Variants in ACTR3C observed in about 807,000 individuals in gnomAD.
ACTR3C encodes actin related protein 3C.
A neutral mutation model predicts 26.3 loss-of-function variants in ACTR3C; 18 were observed. The ratio of observed to expected loss-of-function variants is 0.68; its 90% CI spans 0.47 to 1.01. The LOEUF (loss-of-function observed/expected upper bound fraction) is 1.01, where lower values mean the gene tolerates loss of function less well. Among genes scored for constraint, ACTR3C ranks in the 50% least tolerant of loss-of-function variants. The probability of loss-of-function intolerance (pLI) is 0.00; values close to 1 mark genes in which losing one functional copy is unlikely to be tolerated. For synonymous variants in ACTR3C, 55 were observed against 94.5 expected (o/e 0.58, Z 2.42); for missense variants, 184 against 250.7 (o/e 0.73, Z 1.80).
At chr7:150,315,774 G>A (rs1056281762) in intron 1 of ACTR3C, among the ~76,000 whole-genome samples, 3 of 151,734 alleles carry the variant, frequency 2.0e-5, no homozygotes, top group African/African-American at 4.8e-5. Context: ...ATTCATACAT[G>A]TGTGTATTCT....
chr7:150,030,665 G>A, the ACTR3C span, among the ~76,000 whole-genome samples: 3 of 152,082 alleles, frequency 2.0e-5, no homozygotes, highest in African/African-American at 7.3e-5. Flanking sequence ...TTCTACATGA[G>A]ACTCTCACTT....
At chr7:150,052,370 T>TACAC in the ACTR3C span, among the ~76,000 whole-genome samples, 1 of 152,028 alleles carries the variant, frequency 6.6e-6, no homozygotes, top group Non-Finnish European at 1.5e-5. Context: ...CACACACACA[T>TACAC]ACACACACAC....
At chr7:149,921,703 C>A in the ACTR3C span, among the ~76,000 whole-genome samples, 1 of 151,858 alleles carries the variant, frequency 6.6e-6, no homozygotes, top group Admixed American at 6.6e-5. Flanking sequence ...ATGGTGAAAC[C>A]CCATCTCTAC....
At chr7:150,252,858 T>C (rs1832949169) in intron 6 of ACTR3C, among the ~76,000 whole-genome samples, 1 of 152,220 alleles carries the variant, frequency 6.6e-6, no homozygotes, top group African/African-American at 2.4e-5. Flanking sequence ...GTGTGTTTAT[T>C]GTTTTTATTA....
At chr7:150,234,735 T>C in the ACTR3C span, among the ~76,000 whole-genome samples, 1 of 152,230 alleles carries the variant, frequency 6.6e-6, no homozygotes, top group Non-Finnish European at 1.5e-5. Flanking sequence ...CTCATTTGGA[T>C]ACACGAATTG....
At chr7:150,112,494 T>C in the ACTR3C span, among the ~76,000 whole-genome samples, 1 of 152,164 alleles carries the variant, frequency 6.6e-6, no homozygotes, top group Non-Finnish European at 1.5e-5. Flanking sequence ...GCCATTGCCA[T>C]CCACACACCC....
chr7:150,120,937 C>T, the ACTR3C span, among the ~76,000 whole-genome samples: 3 of 152,146 alleles, frequency 2.0e-5, no homozygotes, highest in Non-Finnish European at 4.4e-5. Flanking sequence ...TCAACATATG[C>T]AAATCAATAA....
At chr7:150,058,228 C>T in the ACTR3C span, among the ~76,000 whole-genome samples, 1 of 152,176 alleles carries the variant, frequency 6.6e-6, no homozygotes, top group Admixed American at 6.5e-5. Flanking sequence ...CCAATTAGTG[C>T]TTTGGATAAG....
At chr7:150,159,409 G>A in the ACTR3C span, among the ~76,000 whole-genome samples, 3 of 152,170 alleles carry the variant, frequency 2.0e-5, no homozygotes, top group African/African-American at 2.4e-5. Flanking sequence ...TCGATTCGTC[G>A]TGGAAGGAAT....
chr7:150,236,494 T>C, the ACTR3C span, among the ~76,000 whole-genome samples: 1 of 152,224 alleles, frequency 6.6e-6, no homozygotes, highest in East Asian at 1.9e-4. Context: ...TCTACATTCC[T>C]AGGACCTATG....
At chr7:150,198,682 G>A in the ACTR3C span, among the ~76,000 whole-genome samples, 8 of 145,142 alleles carry the variant, frequency 5.5e-5, no homozygotes, top group East Asian at 1.2e-3. Context: ...GAGCCTCTCC[G>A]CCCGGCAGCC....
At chr7:150,211,688 A>T in the ACTR3C span, among the ~76,000 whole-genome samples, 4 of 147,054 alleles carry the variant, frequency 2.7e-5, no homozygotes, top group African/African-American at 5.2e-5. Context: ...GCCCAGAGAG[A>T]GGTGCCCACC....
chr7:149,974,670 T>C, the ACTR3C span, among the ~76,000 whole-genome samples: 32 of 152,302 alleles, frequency 2.1e-4, no homozygotes, highest in East Asian at 5.4e-3. Context: ...TGGGCTCCCA[T>C]AAGGTAATTA....
At chr7:150,009,244 A>G in the ACTR3C span, among the ~76,000 whole-genome samples, 2 of 152,206 alleles carry the variant, frequency 1.3e-5, no homozygotes, top group African/African-American at 4.8e-5. Context: ...CCACCACTCC[A>G]AAAGTGTGGT....
chr7:150,194,921 C>A, the ACTR3C span, among the ~76,000 whole-genome samples: 4 of 151,830 alleles, frequency 2.6e-5, no homozygotes, highest in Non-Finnish European at 4.4e-5. Flanking sequence ...TGGTGAAACA[C>A]CATCTGTATT....
chr7:149,919,282 C>T, the ACTR3C span, among the ~76,000 whole-genome samples: 1 of 151,454 alleles, frequency 6.6e-6, no homozygotes, highest in Non-Finnish European at 1.5e-5. Flanking sequence ...ACTCTGTTGC[C>T]CAGGCTGGAG....
At chr7:150,045,499 T>C in the ACTR3C span, among the ~76,000 whole-genome samples, 2 of 151,978 alleles carry the variant, frequency 1.3e-5, no homozygotes, top group African/African-American at 4.8e-5. Flanking sequence ...TGTGCATATA[T>C]ATATCGGGAG....
the ACTR3C span, among the ~76,000 whole-genome samples, chr7:150,137,378 A>C: frequency 7.9e-5 from 12 of 152,270 alleles, no homozygotes; most frequent in South Asian, 2.1e-3. Flanking sequence ...AATCATCTAC[A>C]CTAAAGCCCC....
the ACTR3C span, among the ~76,000 whole-genome samples, chr7:150,188,278 T>C: frequency 2.0e-5 from 3 of 152,154 alleles, no homozygotes; most frequent in Non-Finnish European, 2.9e-5. Flanking sequence ...TCCATTTTGC[T>C]TCATGCATCA....
Sources: gnomAD v4.1 joint callset for allele counts (sites outside exome capture counted in the v4.1 genomes callset) on GRCh38, gnomAD v4.1.1 for gene constraint, MANE v1.5 for transcripts, NCBI Gene and HGNC (gene_info 2026-07-23, HGNC 2026-07-21) for gene names.